The following LRRK1 variants were observed in gnomAD, a reference collection of about 807,000 sequenced individuals.
LRRK1 encodes the protein leucine-rich repeat serine/threonine-protein kinase 1.
In LRRK1, 113 loss-of-function variants were observed where a neutral mutation model predicts 209.1. The ratio of observed to expected loss-of-function variants is 0.54; its 90% CI spans 0.46 to 0.63. The LOEUF (loss-of-function observed/expected upper bound fraction) is 0.63. Ranked by LOEUF, LRRK1 falls within the 30% of genes least tolerant of loss-of-function variation. The probability of loss-of-function intolerance (pLI) is 0.00; values close to 1 mark genes in which losing one functional copy is unlikely to be tolerated. For synonymous variants in LRRK1, 1,144 were observed against 1,099.7 expected, an observed-to-expected ratio of 1.04 and a Z score of -0.80; for missense variants, 2,284 against 2,632.2, an observed-to-expected ratio of 0.87 and a Z score of 2.89.
At chr15:100,984,671 T>G (rs1386089763) in intron 4 of LRRK1, among the ~76,000 whole-genome samples, 1 of 152,232 alleles carries the variant, frequency 6.6e-6, no homozygotes, top group Non-Finnish European at 1.5e-5. Flanking sequence ...CTCATTTCTT[T>G]TAATGGCTGA....
chr15:100,978,739 A>G (rs2031437933), intron 3 of LRRK1, among the ~76,000 whole-genome samples: 1 of 152,230 alleles, frequency 6.6e-6, no homozygotes, highest in African/African-American at 2.4e-5. Context: ...AACTATTAAG[A>G]AAATTCAATT....
At chr15:100,948,745 T>TAGAAATTAAACAACACACTATTAA (rs2042590345) in intron 2 of LRRK1, among the ~76,000 whole-genome samples, 1 of 152,146 alleles carries the variant, frequency 6.6e-6, no homozygotes, top group Non-Finnish European at 1.5e-5. Flanking sequence ...CACAAATATG[T>TAGAAATTAAACAACACACTATTAA]AGAAATTAAA....
chr15:101,054,969 C>A lies in LRRK1; in HGVS notation c.4078C>A (p.His1360Asn), dbSNP rs1206866127. 3 of 1,612,764 alleles carry A rather than the reference C, an allele frequency of 1.9e-6. No homozygotes were observed. The highest frequency in any genetic ancestry group is 2.5e-6 in the Non-Finnish European group (3 of 1,179,452). Reference sequence around the variant, plus strand: ...AGATTCTTCCTTTATACCCCTGGGACACATGCTCACCCAAAAAATAGCCTA... The same window carrying A: ...AGATTCTTCCTTTATACCCCTGGGAAACATGCTCACCCAAAAAATAGCCTA... ...ARDSSFIPLG[H>N]MLTQKIAYQI... The change falls in exon 27 of 34, where the codon CAC (histidine) becomes AAC (asparagine). Residue 1360 changes from histidine to asparagine, a missense_variant. Coordinates refer to ENST00000388948, the MANE Select transcript of LRRK1 (RefSeq NM_024652.6).
chr15:100,969,195 A>G (rs1411719742), intron 2 of LRRK1, among the ~76,000 whole-genome samples: 1 of 152,110 alleles, frequency 6.6e-6, no homozygotes, highest in Non-Finnish European at 1.5e-5. Context: ...ACGAGTTTTT[A>G]TATTCTAGAT....
chr15:101,048,680 C>A (rs568699353), intron 22 of LRRK1, 23 bp downstream of exon 22: 3 of 1,486,094 alleles, frequency 2.0e-6, no homozygotes, highest in South Asian at 2.8e-5. Context: ...GGAAGCCCAC[C>A]TGCCAGGTCA....
At chr15:100,959,848 C>T (rs2042839970) in intron 2 of LRRK1, among the ~76,000 whole-genome samples, 2 of 152,124 alleles carry the variant, frequency 1.3e-5, no homozygotes, top group Non-Finnish European at 2.9e-5. Flanking sequence ...GTACAGAGTT[C>T]AGTTCTTCCT....
intron 21 of LRRK1, among the ~76,000 whole-genome samples, chr15:101,046,464 G>A (rs2035081943): frequency 1.3e-5 from 2 of 152,188 alleles, no homozygotes; most frequent in South Asian, 4.1e-4. Context: ...CCCACCCGAG[G>A]TTCTGATTCA....
intron 6 of LRRK1, among the ~76,000 whole-genome samples, chr15:100,990,429 C>T (rs7162714): frequency 0.053 from 8,059 of 151,978 alleles, 501 homozygotes; most frequent in African/African-American, 0.15. Context: ...GCTTTGGAAA[C>T]ACTGCCCCCC....
intron 21 of LRRK1, among the ~76,000 whole-genome samples, chr15:101,046,983 C>T (rs1015051260): frequency 3.9e-5 from 6 of 152,190 alleles, no homozygotes; most frequent in African/African-American, 9.7e-5. Context: ...GAGGAACACA[C>T]GTTCTCAGGC....
At chr15:101,032,932 T>C (rs1360548623) in intron 20 of LRRK1, among the ~76,000 whole-genome samples, 3 of 152,210 alleles carry the variant, frequency 2.0e-5, no homozygotes, top group Non-Finnish European at 4.4e-5. Context: ...GTGAGCGTTT[T>C]GTATTAGTTT....
chr15:100,943,386 C>T (rs546714833), intron 2 of LRRK1, among the ~76,000 whole-genome samples: 1 of 152,200 alleles, frequency 6.6e-6, no homozygotes, highest in South Asian at 2.1e-4. Flanking sequence ...AATGAATTAA[C>T]CTAAGTGTTT....
intron 3 of LRRK1, among the ~76,000 whole-genome samples, chr15:100,978,796 C>G (rs893717632): frequency 1.1e-4 from 17 of 152,166 alleles, no homozygotes; most frequent in Non-Finnish European, 2.5e-4. Context: ...GTTCAGATGG[C>G]TTCACTGGAT....
At chr15:101,030,352 C>T (rs546048172) in intron 20 of LRRK1, among the ~76,000 whole-genome samples, 4 of 152,182 alleles carry the variant, frequency 2.6e-5, no homozygotes, top group Non-Finnish European at 5.9e-5. Flanking sequence ...TTTGCCCAAG[C>T]CATCAATTCA....
intron 3 of LRRK1, among the ~76,000 whole-genome samples, chr15:100,978,088 AT>A (rs774448631): frequency 4.6e-5 from 7 of 151,886 alleles, no homozygotes; most frequent in African/African-American, 4.8e-5. Flanking sequence ...AAATTTTAAA[AT>A]TAAAAAAAAA....
At chr15:100,960,384 A>G (rs1049447343) in intron 2 of LRRK1, among the ~76,000 whole-genome samples, 3 of 149,390 alleles carry the variant, frequency 2.0e-5, no homozygotes, top group South Asian at 2.1e-4. Context: ...CTAATCCTCC[A>G]GTATTTATAA....
intron 2 of LRRK1, among the ~76,000 whole-genome samples, chr15:100,926,672 CT>C (rs1441760864): frequency 1.6e-5 from 2 of 128,666 alleles, no homozygotes; most frequent in African/African-American, 3.0e-5. Flanking sequence ...TTTTTCTTTT[CT>C]TTTTTTCTTT....
At position 101,051,802 on chromosome 15, in the gene LRRK1, C is replaced by A. The variant is rs1307730712; in HGVS notation, c.3531C>A (p.Asp1177Glu). The change falls in exon 24 of 34, where the codon GAC (aspartate) becomes GAA (glutamate). Residue 1177 changes from aspartate (D) to glutamate (E), a missense_variant. Coordinates refer to ENST00000388948, the MANE Select transcript of LRRK1 (RefSeq NM_024652.6). The part of the protein sequence containing the change: ...VCETAWAQHT[D>E]PSEKSEDVQY... ...AGACAGCCTGGGCCCAGCACACGGA[C>A]CCCAGTGAGAAATCAGAGGATGTGC... The A allele has an allele frequency of 6.2e-6, 10 of 1,613,982 alleles. No homozygotes were observed. Among genetic ancestry groups the A allele is most frequent in the Admixed American group, 3.3e-5 (2 of 60,006 alleles).
intron 6 of LRRK1, among the ~76,000 whole-genome samples, chr15:101,008,142 CAAAAAAAAAAAAA>C (rs796213769): frequency 5.1e-4 from 38 of 74,160 alleles, no homozygotes; most frequent in African/African-American, 1.2e-3. Context: ...GACTCCATCT[CAAAAAAAAAAAAA>C]AAAAAAAAAA....
At chr15:101,051,566 G>T (rs150548363) in intron 23 of LRRK1, 145 bp from the exon 24 acceptor site, 1 of 1,026,036 alleles carries the variant, frequency 9.7e-7, no homozygotes, top group Non-Finnish European at 1.4e-6. Context: ...TGTGGCAGTG[G>T]GTTTCAGCCT....
Sources: allele counts gnomAD v4.1 joint callset (sites outside exome capture counted in the v4.1 genomes callset), GRCh38; gene constraint gnomAD v4.1.1; transcripts MANE v1.5; gene names NCBI Gene and HGNC (gene_info 2026-07-23, HGNC 2026-07-21).